The following SYCP2L variants were observed in gnomAD, a reference collection of about 807,000 sequenced individuals.
SYCP2L encodes synaptonemal complex protein 2-like.
Under a neutral mutation model 125.8 loss-of-function variants are expected in SYCP2L, and 98 were observed. The ratio of observed to expected loss-of-function variants is 0.78; its 90% CI spans 0.66 to 0.92. SYCP2L has a LOEUF of 0.92. SYCP2L is among the 40% of genes least tolerant of loss of function. The pLI is 0.00. For missense variants in SYCP2L, 842 were observed against 936.4 expected (o/e 0.90, Z 1.32); for synonymous variants, 317 against 325.4 (o/e 0.97, Z 0.28).
intron 18 of SYCP2L, among the ~76,000 whole-genome samples, chr6:10,929,144 G>A (rs983789423): frequency 2.0e-5 from 3 of 152,038 alleles, no homozygotes; most frequent in African/African-American, 7.2e-5. Flanking sequence ...ACCAGCCTCC[G>A]CCTCCCAAAG....
intron 23 of SYCP2L, among the ~76,000 whole-genome samples, chr6:10,950,147 A>G (rs78619113): frequency 0.027 from 4,110 of 152,288 alleles, 153 homozygotes; most frequent in East Asian, 0.2. Context: ...GTTTCCAAAC[A>G]TATGGGTTAT....
intron 23 of SYCP2L, among the ~76,000 whole-genome samples, chr6:10,951,413 A>T (rs564331767): frequency 1.3e-5 from 2 of 152,236 alleles, no homozygotes; most frequent in East Asian, 3.9e-4. Flanking sequence ...ACAAAGCAAG[A>T]CCCTGTCTCA....
intron 21 of SYCP2L, among the ~76,000 whole-genome samples, chr6:10,940,942 C>A (rs909857552): frequency 2.6e-5 from 4 of 152,062 alleles, no homozygotes; most frequent in Non-Finnish European, 4.4e-5. Flanking sequence ...ATGGGCAGCT[C>A]CTTAAGGTGC....
At chr6:10,922,268 ACTC>A (rs1780811371) in intron 14 of SYCP2L, among the ~76,000 whole-genome samples, 1 of 152,118 alleles carries the variant, frequency 6.6e-6, no homozygotes, top group African/African-American at 2.4e-5. Flanking sequence ...AGTAGGTATT[ACTC>A]TTTCCATTCT....
At chr6:10,900,616 G>A (rs1399450398) in intron 6 of SYCP2L, among the ~76,000 whole-genome samples, 1 of 152,166 alleles carries the variant, frequency 6.6e-6, no homozygotes, top group African/African-American at 2.4e-5. Flanking sequence ...GCCTCCCAAA[G>A]TGCTGGGATT....
Position 10,910,845 on chromosome 6 carries a change from T to G in SYCP2L, c.894T>G (p.Ile298Met), listed in dbSNP as rs1401371766. The change falls in exon 12 of 30, where the codon ATT becomes ATG. Residue 298 changes from isoleucine to methionine, a missense_variant. Coordinates refer to ENST00000283141, the MANE Select transcript of SYCP2L (RefSeq NM_001040274.3). ...DQRRVYSFPCIAAFADEHEMR... is the reference protein window; with the variant it reads ...DQRRVYSFPCMAAFADEHEMR... ...GCAGGGTGTATTCATTTCCGTGTAT[T>G]GCTGCTTTTGCTGATGAGCATGAGG... The G allele has an allele frequency of 6.2e-7, 1 of 1,614,152 alleles. No individual in the cohort carries two copies. The highest frequency in any genetic ancestry group is 8.5e-7 in the Non-Finnish European group (1 of 1,180,008).
At chr6:10,888,429 C>CA (rs1780119218) in intron 1 of SYCP2L, among the ~76,000 whole-genome samples, 2 of 152,062 alleles carry the variant, frequency 1.3e-5, no homozygotes, top group Non-Finnish European at 2.9e-5. Flanking sequence ...GACTGAATCT[C>CA]AGAGAATCTA....
chr6:10,900,633 A>G (rs912219016), intron 6 of SYCP2L, among the ~76,000 whole-genome samples: 6 of 152,084 alleles, frequency 3.9e-5, no homozygotes, highest in African/African-American at 1.2e-4. Flanking sequence ...GATTACAGGC[A>G]TGAGCCATCG....
chr6:10,907,730 A>C (rs1239276293), intron 10 of SYCP2L, 46 bp downstream of exon 10: 1 of 1,596,300 alleles, frequency 6.3e-7, no homozygotes. Context: ...AATATTTATT[A>C]AGCATCCGCT....
At chr6:10,902,475 G>C (rs571559569) in intron 6 of SYCP2L, among the ~76,000 whole-genome samples, 46 of 152,170 alleles carry the variant, frequency 3.0e-4, no homozygotes, top group African/African-American at 1.0e-3. Flanking sequence ...GAAAATAAAC[G>C]CGTGTATGCG....
intron 14 of SYCP2L, among the ~76,000 whole-genome samples, chr6:10,921,928 G>C (rs557435554): frequency 1.3e-5 from 2 of 151,914 alleles, no homozygotes; most frequent in African/African-American, 4.8e-5. Flanking sequence ...GGATGGTCTC[G>C]GTCTCCTGAC....
intron 26 of SYCP2L, 83 bp from the exon 27 acceptor site, chr6:10,961,222 C>T: frequency 9.1e-7 from 1 of 1,099,590 alleles, no homozygotes. Context: ...CTGAAGTATC[C>T]TTGTAATCAG....
At chr6:10,929,780 CAA>C (rs543540895) in intron 18 of SYCP2L, among the ~76,000 whole-genome samples, 2 of 141,346 alleles carry the variant, frequency 1.4e-5, no homozygotes, top group Non-Finnish European at 3.1e-5. Context: ...AGTAAAAGTA[CAA>C]AAAAAAAAAA....
intron 8 of SYCP2L, 83 bp downstream of exon 8, chr6:10,903,046 G>C (rs909903776): frequency 9.0e-7 from 1 of 1,111,238 alleles, no homozygotes; most frequent in Non-Finnish European, 1.4e-6. Flanking sequence ...GTTCTACTTA[G>C]ACCTGATTAT....
chr6:10,893,123 A>C (rs1327567926), intron 2 of SYCP2L, among the ~76,000 whole-genome samples: 1 of 128,552 alleles, frequency 7.8e-6, no homozygotes, highest in African/African-American at 2.8e-5. Context: ...CTCCTGCCTC[A>C]GCCTTCCAAG....
intron 17 of SYCP2L, among the ~76,000 whole-genome samples, chr6:10,928,195 A>G (rs1344431024): frequency 6.6e-6 from 1 of 151,394 alleles, no homozygotes; most frequent in Non-Finnish European, 1.5e-5. Context: ...CAGGCATAGG[A>G]AATCACAAGG....
chr6:10,888,892 C>T (rs1243252386), intron 1 of SYCP2L, among the ~76,000 whole-genome samples: 1 of 151,946 alleles, frequency 6.6e-6, no homozygotes, highest in African/African-American at 2.4e-5. Context: ...TACGGAGTCT[C>T]ACTCTGTCAC....
chr6:10,918,176 C>T (rs1255558972), intron 14 of SYCP2L, among the ~76,000 whole-genome samples: 11 of 140,320 alleles, frequency 7.8e-5, no homozygotes, highest in African/African-American at 2.2e-4. Flanking sequence ...CCAGCCTGGA[C>T]GACAGAGCGA....
chr6:10,952,255 G>A (rs1029232663), intron 23 of SYCP2L, among the ~76,000 whole-genome samples: 2 of 152,220 alleles, frequency 1.3e-5, no homozygotes, highest in African/African-American at 4.8e-5. Flanking sequence ...TTGTGCAGGA[G>A]CCTGTGCTCT....
Sources: gnomAD v4.1 joint callset for allele counts (sites outside exome capture counted in the v4.1 genomes callset) on GRCh38, gnomAD v4.1.1 for gene constraint, MANE v1.5 for transcripts, NCBI Gene and HGNC (gene_info 2026-07-23, HGNC 2026-07-21) for gene names.